LRRC7: variants seen among roughly 807,000 people sequenced by gnomAD.
The protein encoded by LRRC7 is leucine rich repeat containing 7.
Under a neutral mutation model 175.7 loss-of-function variants are expected in LRRC7, and 23 were observed. The observed-to-expected ratio is 0.13, with a 90% CI of 0.09 to 0.19. The LOEUF is 0.19. LRRC7 is among the 10% of genes least tolerant of loss of function. LRRC7 has a pLI of 1.00. For synonymous variants in LRRC7, 685 were observed against 680.9 expected (o/e 1.01, Z -0.09); for missense variants, 1,354 against 1,904.7 (o/e 0.71, Z 5.38).
intron 1 of LRRC7, among the ~76,000 whole-genome samples, chr1:69,622,486 A>C (rs1650777487): frequency 6.6e-6 from 1 of 152,202 alleles, no homozygotes; most frequent in South Asian, 2.1e-4. Context: ...TATGGACTTC[A>C]GGACAACCCA....
At chr1:69,611,496 C>A (rs1648728412) in intron 1 of LRRC7, among the ~76,000 whole-genome samples, 1 of 152,006 alleles carries the variant, frequency 6.6e-6, no homozygotes, top group Non-Finnish European at 1.5e-5. Flanking sequence ...GTTTAGTTTC[C>A]TGCAAGCCTT....
chr1:70,118,063 GC>G, intron 26 of LRRC7, among the ~76,000 whole-genome samples: 1 of 146,782 alleles, frequency 6.8e-6, no homozygotes, highest in Non-Finnish European at 1.5e-5. Flanking sequence ...CTTCTTCTAT[GC>G]ACACACACAC....
chr1:69,993,883 A>T (rs1450133346), intron 10 of LRRC7, among the ~76,000 whole-genome samples: 1 of 152,172 alleles, frequency 6.6e-6, no homozygotes, highest in East Asian at 1.9e-4. Context: ...TTCTTCAATT[A>T]CTGTGTGACT....
intron 8 of LRRC7, among the ~76,000 whole-genome samples, chr1:69,955,413 G>A (rs749415048): frequency 1.4e-4 from 21 of 151,956 alleles, no homozygotes; most frequent in Non-Finnish European, 2.2e-4. Flanking sequence ...AAGAAAAGGA[G>A]GAGGAGTGCT....
chr1:69,871,098 A>C (rs1685485938), intron 7 of LRRC7, among the ~76,000 whole-genome samples: 1 of 152,080 alleles, frequency 6.6e-6, no homozygotes, highest in South Asian at 2.1e-4. Flanking sequence ...TAAATTGGGA[A>C]AGTTTATACA....
At chr1:69,904,675 T>A (rs748968317) in intron 7 of LRRC7, among the ~76,000 whole-genome samples, 1 of 152,234 alleles carries the variant, frequency 6.6e-6, no homozygotes, top group Non-Finnish European at 1.5e-5. Flanking sequence ...TTTACATTTT[T>A]AAAAATTTAT....
chr1:69,750,139 T>C (rs1249131170), intron 2 of LRRC7, among the ~76,000 whole-genome samples: 1 of 151,502 alleles, frequency 6.6e-6, no homozygotes, highest in African/African-American at 2.4e-5. Context: ...AATGTCAAGC[T>C]AAAGAATCTT....
rs1466075310 is a variant in LRRC7 at position 70,133,550 on chromosome 1, C to T, written c.*11663C>T. ...TGCTGATACAATTGCTAACAACACC[C>T]CTTTCCTTTCTCCTTTGAGAAAATT... On this transcript the variant is annotated 3_prime_UTR_variant, in exon 27 of 27. Coordinates refer to ENST00000651989, the MANE Select transcript of LRRC7 (RefSeq NM_001370785.2). Among the ~76,000 whole-genome samples, 2 of 152,108 alleles carry T rather than the reference C, an allele frequency of 1.3e-5. No individual in the cohort carries two copies. Among genetic ancestry groups the T allele is most frequent in the East Asian group, 3.9e-4 (2 of 5,194 alleles).
chr1:69,704,491 G>A (rs1298007185), intron 2 of LRRC7, among the ~76,000 whole-genome samples: 1 of 151,824 alleles, frequency 6.6e-6, no homozygotes, highest in African/African-American at 2.4e-5. Flanking sequence ...AGTTTTTAAT[G>A]TTCTAGAATG....
chr1:69,573,818 C>T (rs138953317), intron 1 of LRRC7, among the ~76,000 whole-genome samples: 1 of 152,216 alleles, frequency 6.6e-6, no homozygotes, highest in Admixed American at 6.5e-5. Context: ...TACTTCAATA[C>T]ACGTGAAAGA....
chr1:69,968,741 A>G (rs12044400), intron 8 of LRRC7, among the ~76,000 whole-genome samples: 10,659 of 152,202 alleles, frequency 0.07, 396 homozygotes, highest in South Asian at 0.11. Flanking sequence ...GAGAGAATTC[A>G]CCACTCTCAA....
chr1:70,069,638 T>C (rs1258319315), intron 23 of LRRC7, among the ~76,000 whole-genome samples: 5 of 152,214 alleles, frequency 3.3e-5, no homozygotes. Context: ...TCTGTAAGTT[T>C]ATTTCTCCTC....
At chr1:69,618,470 A>C (rs921661738) in intron 1 of LRRC7, among the ~76,000 whole-genome samples, 4 of 152,294 alleles carry the variant, frequency 2.6e-5, no homozygotes, top group African/African-American at 9.6e-5. Flanking sequence ...ACATGAGGCC[A>C]TCAGACATAG....
chr1:69,802,945 A>C (rs573710399), intron 4 of LRRC7, among the ~76,000 whole-genome samples: 1 of 151,308 alleles, frequency 6.6e-6, no homozygotes, highest in African/African-American at 2.4e-5. Flanking sequence ...ATTCATTTGC[A>C]GTTTATTTCT....
At chr1:70,094,762 G>T (rs764306844) in intron 25 of LRRC7, among the ~76,000 whole-genome samples, 1 of 152,090 alleles carries the variant, frequency 6.6e-6, no homozygotes, top group Non-Finnish European at 1.5e-5. Flanking sequence ...GAGGCATGCG[G>T]GGCAACGGCA....
intron 11 of LRRC7, among the ~76,000 whole-genome samples, chr1:70,003,175 G>T (rs1049590862): frequency 6.6e-6 from 1 of 152,068 alleles, no homozygotes; most frequent in Non-Finnish European, 1.5e-5. Context: ...TCGGAGGGAA[G>T]AACAAGCCCT....
intron 7 of LRRC7, among the ~76,000 whole-genome samples, chr1:69,841,093 C>T (rs1681675346): frequency 6.6e-6 from 1 of 151,916 alleles, no homozygotes; most frequent in Admixed American, 6.6e-5. Context: ...GCTGTCTCAG[C>T]GTGTCTCATG....
intron 2 of LRRC7, among the ~76,000 whole-genome samples, chr1:69,723,898 A>G (rs537492781): frequency 5.2e-4 from 79 of 152,264 alleles, no homozygotes; most frequent in Non-Finnish European, 8.8e-4. Context: ...CATGAATTCA[A>G]TATCTCCCAA....
intron 10 of LRRC7, among the ~76,000 whole-genome samples, chr1:69,990,808 A>T (rs917125444): frequency 6.6e-6 from 1 of 152,178 alleles, no homozygotes; most frequent in African/African-American, 2.4e-5. Flanking sequence ...TCAAATTGTC[A>T]TAAATCACAA....
Sources: gnomAD v4.1 joint callset for allele counts (sites outside exome capture counted in the v4.1 genomes callset) on GRCh38, gnomAD v4.1.1 for gene constraint, MANE v1.5 for transcripts, NCBI Gene and HGNC (gene_info 2026-07-23, HGNC 2026-07-21) for gene names.